HK2: variants seen among roughly 807,000 people sequenced by gnomAD.
HK2 encodes the protein hexokinase 2.
In HK2, 42 loss-of-function variants were observed where a neutral mutation model predicts 92.9. The ratio of observed to expected loss-of-function variants is 0.45; its 90% confidence interval spans 0.35 to 0.58. The LOEUF (loss-of-function observed/expected upper bound fraction) is 0.58, where lower values mean the gene tolerates loss of function less well. Ranked by LOEUF, HK2 falls within the 20% of genes least tolerant of loss-of-function variation. The pLI is 0.00. For synonymous variants in HK2, 422 were observed against 468.0 expected (o/e 0.90, Z 1.27); for missense variants, 978 against 1,245.1 (o/e 0.79, Z 3.23).
intron 15 of HK2, 57 bp downstream of exon 15, chr2:74,886,730 G>C: frequency 6.4e-7 from 1 of 1,556,400 alleles, no homozygotes; most frequent in Non-Finnish European, 8.9e-7. Flanking sequence ...GGCAACAAGT[G>C]ATCAGAGCTT....
intron 2 of HK2, among the ~76,000 whole-genome samples, chr2:74,867,421 G>C (rs1459212440): frequency 6.6e-6 from 1 of 152,080 alleles, no homozygotes; most frequent in East Asian, 1.9e-4. Context: ...AGCCCTGTGA[G>C]TTTCCAGTTT....
intron 1 of HK2, chr2:74,835,027 G>A: frequency 3.1e-6 from 1 of 327,344 alleles, no homozygotes; most frequent in South Asian, 2.8e-5. Context: ...AGAGCACGTG[G>A]AGAGAATCGT....
chr2:74,890,746 C>T (rs750492322), intron 17 of HK2, 51 bp from the exon 18 acceptor site: 1 of 1,608,726 alleles, frequency 6.2e-7, no homozygotes, highest in Admixed American at 1.7e-5. Flanking sequence ...CAAATACAAA[C>T]CAATCATGAC....
At chr2:74,875,926 G>C (rs1030491336) in intron 7 of HK2, among the ~76,000 whole-genome samples, 1 of 152,086 alleles carries the variant, frequency 6.6e-6, no homozygotes, top group Admixed American at 6.5e-5. Flanking sequence ...TGTCATCCAT[G>C]GTAGCCCTGA....
At chr2:74,850,135 C>T (rs1313377229) in intron 1 of HK2, among the ~76,000 whole-genome samples, 1 of 152,166 alleles carries the variant, frequency 6.6e-6, no homozygotes, top group Non-Finnish European at 1.5e-5. Flanking sequence ...ACCACGATCA[C>T]GTTATTGGCA....
Position 74,891,061 on chromosome 2 carries a change from C to T in HK2, c.*120C>T. The T allele has an allele frequency of 9.2e-6, 11 of 1,199,896 alleles. No individual in the cohort carries two copies. The highest frequency in any genetic ancestry group is 1.3e-5 in the Non-Finnish European group (11 of 842,690). 74.3% of individuals were successfully genotyped at this position (1,199,896 alleles called of 1,614,324 possible). ...GGCTTTTGCTTGGCAGAGAGGACCCCACTGGACTGGGTTTTGTCTCTGCAT... is the reference window on the plus strand; with the variant it reads ...GGCTTTTGCTTGGCAGAGAGGACCCTACTGGACTGGGTTTTGTCTCTGCAT... On this transcript the variant is annotated 3_prime_UTR_variant, in exon 18 of 18. Coordinates refer to ENST00000290573, the MANE Select transcript of HK2 (RefSeq NM_000189.5).
chr2:74,881,993 T>C, intron 11 of HK2, 127 bp from the exon 12 acceptor site: 1 of 1,414,278 alleles, frequency 7.1e-7, no homozygotes, highest in Non-Finnish European at 1.0e-6. Context: ...TGGTCTTGAC[T>C]CAGGTTTGTG....
chr2:74,876,366 C>T (rs1689232985), intron 7 of HK2, among the ~76,000 whole-genome samples: 1 of 152,216 alleles, frequency 6.6e-6, no homozygotes, highest in Non-Finnish European at 1.5e-5. Context: ...CTTTCTCAAA[C>T]ACCCAGAAAT....
At chr2:74,872,583 A>C (rs1689122509) in intron 4 of HK2, among the ~76,000 whole-genome samples, 164 bp downstream of exon 4, 1 of 139,030 alleles carries the variant, frequency 7.2e-6, no homozygotes, top group African/African-American at 2.6e-5. Context: ...GGGGCTGGTG[A>C]AGAAATCTGG....
chr2:74,878,537 C>T, intron 8 of HK2, 151 bp from the exon 9 acceptor site: 3 of 719,902 alleles, frequency 4.2e-6, no homozygotes, highest in Non-Finnish European at 5.0e-6. Flanking sequence ...CCTCCTGCCC[C>T]TGCACAGGTG....
In HK2 at chr2:74,872,446, T is replaced by G. The variant is rs28363002; in HGVS notation, c.495+27T>G. 7.2e-5 allele frequency: 116 copies of G among 1,613,566 alleles called. 1 individual carries two copies. In the African/African-American group the frequency reaches 1.3e-3, roughly 18 times the overall value. On this transcript the variant is annotated intron_variant, in intron 4 of 17. Transcript: ENST00000290573. ...TAAGATGGGCTCCTCAGACACTTGTTGCTTCACTCTTGGGGCTGGGAGGGC... is the reference window on the plus strand; with the variant it reads ...TAAGATGGGCTCCTCAGACACTTGTGGCTTCACTCTTGGGGCTGGGAGGGC...
chr2:74,861,635 AGTCC>A (rs1329017362), intron 2 of HK2, among the ~76,000 whole-genome samples: 5 of 152,222 alleles, frequency 3.3e-5, no homozygotes, highest in South Asian at 2.1e-4. Context: ...AAGCATAGAT[AGTCC>A]TGACTCCACG....
In HK2 at chr2:74,878,430, TGTGTGTGTGCGCACGCACATGCGTGTGC is replaced by T. The variant is rs945556708; in HGVS notation, c.1032-248_1032-221del. ...GTGTGTCTCTGTGTGTGTGTGTGTGTGTGTGTGTGCGCACGCACATGCGTGTGCGTGTGTGTGTGGTGTCTGGGAGAGG... is the reference window on the plus strand; with the variant it reads ...GTGTGTCTCTGTGTGTGTGTGTGTGTGTGTGTGTGTGGTGTCTGGGAGAGG... On this transcript the variant is annotated intron_variant, in intron 8 of 17. Coordinates refer to ENST00000290573, the MANE Select transcript of HK2 (RefSeq NM_000189.5). Among the ~76,000 whole-genome samples, 7 of 151,156 alleles carry T rather than the reference TGTGTGTGTGCGCACGCACATGCGTGTGC, an allele frequency of 4.6e-5. No homozygotes were observed. In the East Asian group the frequency reaches 9.7e-4, roughly 21 times the overall value.
chr2:74,890,888 G>A lies in HK2; in HGVS notation c.2701G>A (p.Ala901Thr). The stretch of plus-strand genomic sequence containing the variant: ...GTCAGAGGATGGCAGCGGGAAGGGG[G>A]CGGCGCTCATCACTGCTGTGGCCTG... ...LQSEDGSGKG[A>T]ALITAVACRI... The change falls in exon 18 of 18, where the codon GCG becomes ACG. Residue 901 changes from alanine (A) to threonine (T), a missense_variant. By Grantham distance (58) the Ala-to-Thr change is moderately conservative. Around this residue, in one of 3 missense-constraint regions of HK2, gnomAD observed 742 missense variants for 922.5 expected, o/e 0.80. Coordinates refer to ENST00000290573, the MANE Select transcript of HK2 (RefSeq NM_000189.5). 1 of 1,614,230 alleles carries A rather than the reference G, an allele frequency of 6.2e-7. No individual in the cohort carries two copies. Among genetic ancestry groups the A allele is most frequent in the Non-Finnish European group, 8.5e-7 (1 of 1,180,052 alleles).
In HK2 at chr2:74,891,063, C is replaced by G. The variant is rs1370552614; in HGVS notation, c.*122C>G. 20 of 1,178,582 alleles carry G rather than the reference C, an allele frequency of 1.7e-5. No individual in the cohort carries two copies. Among genetic ancestry groups the G allele is most frequent in the Non-Finnish European group, 2.4e-5 (20 of 823,738 alleles). 73.0% of individuals were successfully genotyped at this position (1,178,582 alleles called of 1,614,324 possible). A position where few individuals can be genotyped will look rare whatever the true frequency, so the allele number is the denominator to read the frequency against. On this transcript the variant is annotated 3_prime_UTR_variant, in exon 18 of 18. Coordinates refer to ENST00000290573, the MANE Select transcript of HK2 (RefSeq NM_000189.5). ...CTTTTGCTTGGCAGAGAGGACCCCA[C>G]TGGACTGGGTTTTGTCTCTGCATCT...
intron 12 of HK2, among the ~76,000 whole-genome samples, chr2:74,883,672 A>G (rs1389509718): frequency 1.3e-5 from 2 of 152,218 alleles, no homozygotes; most frequent in African/African-American, 4.8e-5. Flanking sequence ...GTTCTGCAAT[A>G]AAAACTCAGC....
In HK2 at chr2:74,879,017, G is replaced by T. The variant is rs1455557514; in HGVS notation, c.1265+96G>T. Reference sequence around the variant, plus strand: ...AGCTCCATTTTGCATTTCAGGGGTGGTGTGGAGGGACCATAGAGCTGAGGG... The same window carrying T: ...AGCTCCATTTTGCATTTCAGGGGTGTTGTGGAGGGACCATAGAGCTGAGGG... On this transcript the variant is annotated intron_variant, in intron 9 of 17. Coordinates refer to ENST00000290573, the MANE Select transcript of HK2 (RefSeq NM_000189.5). The T allele has an allele frequency of 3.8e-6, 4 of 1,041,706 alleles. No homozygotes were observed. In the African/African-American group the frequency reaches 4.7e-5, roughly 12 times the overall value. The allele number at this position is 1,041,706 out of a possible 1,614,324, so 64.5% of individuals were successfully genotyped here. A position where few individuals can be genotyped will look rare whatever the true frequency, so the allele number is the denominator to read the frequency against.
chr2:74,854,910 A>G (rs1238176143), intron 2 of HK2, among the ~76,000 whole-genome samples: 1 of 152,220 alleles, frequency 6.6e-6, no homozygotes, highest in African/African-American at 2.4e-5. Context: ...AGTGTAGTGC[A>G]GATTGACCTA....
intron 16 of HK2, among the ~76,000 whole-genome samples, chr2:74,888,560 G>A (rs17010504): frequency 0.096 from 14,605 of 152,188 alleles, 1,860 homozygotes; most frequent in African/African-American, 0.29. Context: ...AATTAGAACA[G>A]TGAATTTCAG....
Sources: gnomAD v4.1 joint callset for allele counts (sites outside exome capture counted in the v4.1 genomes callset) on GRCh38, gnomAD v4.1.1 for gene constraint, gnomAD v4.1.1 regional missense constraint, MANE v1.5 for transcripts, NCBI Gene and HGNC (gene_info 2026-07-23, HGNC 2026-07-21) for gene names.